The following SLC2A9 variants were observed in gnomAD, a reference collection of about 807,000 sequenced individuals.
SLC2A9 encodes the protein solute carrier family 2, facilitated glucose transporter member 9.
Under a neutral mutation model 50.6 loss-of-function variants are expected in SLC2A9, and 39 were observed. That is an observed-to-expected ratio of 0.77 (90% CI 0.60 to 1.01). SLC2A9 has a LOEUF of 1.01. SLC2A9 is among the 50% of genes least tolerant of loss of function. SLC2A9 has a pLI of 0.00. For synonymous variants in SLC2A9, 324 were observed against 276.9 expected, an observed-to-expected ratio of 1.17 and a Z score of -1.69; for missense variants, 686 against 677.6, an observed-to-expected ratio of 1.01 and a Z score of -0.14.
chr4:9,970,756 GA>G (rs1560410080), intron 5 of SLC2A9, among the ~76,000 whole-genome samples: 1 of 151,954 alleles, frequency 6.6e-6, no homozygotes, highest in South Asian at 2.1e-4. Flanking sequence ...CCTGTTTTAA[GA>G]AAAAAACAAG....
intron 5 of SLC2A9, among the ~76,000 whole-genome samples, chr4:9,963,796 C>T (rs977044225): frequency 6.6e-6 from 1 of 152,192 alleles, no homozygotes; most frequent in African/African-American, 2.4e-5. Context: ...GATCCTCTAC[C>T]TTTTGTGTGT....
At chr4:9,880,451 G>A in intron 10 of SLC2A9, 1 of 985,258 alleles carries the variant, frequency 1.0e-6, no homozygotes, top group Non-Finnish European at 1.2e-6. Flanking sequence ...TAAAGCCCTG[G>A]AAATGCAGCA....
chr4:9,893,894 G>A (rs141346944), intron 8 of SLC2A9, among the ~76,000 whole-genome samples: 153 of 152,314 alleles, frequency 1.0e-3, no homozygotes, highest in African/African-American at 2.9e-3. Context: ...TAATCTCAGC[G>A]CAACACATGT....
At chr4:9,836,065 G>T (rs1286025420) in intron 10 of SLC2A9, among the ~76,000 whole-genome samples, 1 of 106,098 alleles carries the variant, frequency 9.4e-6, no homozygotes, top group Non-Finnish European at 1.7e-5. Flanking sequence ...ACCAGCCTGG[G>T]CAACAAGAGT....
intron 10 of SLC2A9, among the ~76,000 whole-genome samples, chr4:9,875,166 A>T (rs368471234): frequency 0.058 from 5,018 of 86,614 alleles, no homozygotes; most frequent in African/African-American, 0.091. Flanking sequence ...CTGTGTCTTT[A>T]GAAATGGCCA....
intron 3 of SLC2A9, among the ~76,000 whole-genome samples, chr4:9,993,133 T>C (rs745891317): frequency 9.9e-5 from 15 of 152,156 alleles, no homozygotes; most frequent in Admixed American, 5.2e-4. Context: ...TGCTCAAAAA[T>C]GTTTGTTTGG....
At chr4:9,874,049 G>A (rs765783382) in intron 10 of SLC2A9, among the ~76,000 whole-genome samples, 2 of 152,102 alleles carry the variant, frequency 1.3e-5, no homozygotes, top group African/African-American at 4.8e-5. Flanking sequence ...TGAGGCCCAC[G>A]ATGATCTGGC....
chr4:9,960,679 CT>C (rs1752122060), intron 5 of SLC2A9, among the ~76,000 whole-genome samples: 1 of 152,168 alleles, frequency 6.6e-6, no homozygotes, highest in South Asian at 2.1e-4. Flanking sequence ...AATGCTATTT[CT>C]TTTTTGTTGT....
At chr4:10,037,221 A>G (rs1764134324) in intron 1 of SLC2A9, among the ~76,000 whole-genome samples, 1 of 152,222 alleles carries the variant, frequency 6.6e-6, no homozygotes, top group Admixed American at 6.5e-5. Flanking sequence ...GAGCATTGTC[A>G]TCATCTCAAA....
At chr4:10,028,038 C>T (rs1011086368) in intron 1 of SLC2A9, among the ~76,000 whole-genome samples, 1 of 152,184 alleles carries the variant, frequency 6.6e-6, no homozygotes, top group South Asian at 2.1e-4. Context: ...GATTTGCTCA[C>T]GAGCCTCCCA....
At chr4:9,880,179 C>T (rs1388124942) in intron 10 of SLC2A9, 2 of 985,324 alleles carry the variant, frequency 2.0e-6, no homozygotes, top group Non-Finnish European at 2.4e-6. Flanking sequence ...GTCTAAGTGG[C>T]AGCTTTTCTT....
intron 10 of SLC2A9, among the ~76,000 whole-genome samples, chr4:9,882,552 C>CA (rs1230229016): frequency 1.3e-5 from 2 of 151,690 alleles, no homozygotes; most frequent in African/African-American, 4.8e-5. Context: ...ACTAAAAATA[C>CA]AAAAAAATTA....
At chr4:9,816,726 T>A (rs1047272152) in intron 3 of SLC2A9, among the ~76,000 whole-genome samples, 2 of 152,150 alleles carry the variant, frequency 1.3e-5, no homozygotes, top group African/African-American at 4.8e-5. Flanking sequence ...TTGATTATAC[T>A]TCAATGTAGC....
At chr4:9,793,031 C>T (rs1282289436) in intron 3 of SLC2A9, among the ~76,000 whole-genome samples, 12 of 152,196 alleles carry the variant, frequency 7.9e-5, no homozygotes, top group South Asian at 2.1e-4. Flanking sequence ...TGCGCTACCA[C>T]GCCCAGCTAA....
intron 8 of SLC2A9, among the ~76,000 whole-genome samples, chr4:9,895,479 C>A: frequency 6.6e-6 from 1 of 152,208 alleles, no homozygotes; most frequent in Admixed American, 6.5e-5. Flanking sequence ...AGACGAACAG[C>A]AGACTGAAGG....
chr4:9,959,426 A>T (rs1337661467), intron 5 of SLC2A9, among the ~76,000 whole-genome samples: 1 of 151,500 alleles, frequency 6.6e-6, no homozygotes, highest in East Asian at 1.9e-4. Context: ...CTGAGGCCTC[A>T]ATCATCAGAT....
rs533975637 is a variant in SLC2A9, at chr4:9,934,795, A to T, written c.814+7118T>A. On this transcript the variant is annotated intron_variant, in intron 6 of 11. Coordinates refer to ENST00000264784, the MANE Select transcript of SLC2A9 (RefSeq NM_020041.3). ...CTGCATGCATTAGCTATTTGTCCTA[A>T]TGCTCTCCCTCCCCTCAGCCCCTGC... Among the ~76,000 whole-genome samples, 31 of 152,098 alleles carry T rather than the reference A, an allele frequency of 2.0e-4. No individual in the cohort carries two copies. In the South Asian group the frequency reaches 6.2e-3, roughly 31 times the overall value.
chr4:9,815,826 A>T (rs2109014938), intron 3 of SLC2A9, among the ~76,000 whole-genome samples: 1 of 152,340 alleles, frequency 6.6e-6, no homozygotes, highest in Non-Finnish European at 1.5e-5. Flanking sequence ...AGTCTGGGTT[A>T]GGACAGTGTT....
chr4:9,799,692 A>ACCCACCC (rs59100769), intron 3 of SLC2A9, among the ~76,000 whole-genome samples: 1 of 69,810 alleles, frequency 1.4e-5, no homozygotes, highest in African/African-American at 5.7e-5. Context: ...TTCCAATTGT[A>ACCCACCC]CCCCCCCCCC....
Sources: allele counts gnomAD v4.1 joint callset (sites outside exome capture counted in the v4.1 genomes callset), GRCh38; gene constraint gnomAD v4.1.1; transcripts MANE v1.5; gene names NCBI Gene and HGNC (gene_info 2026-07-23, HGNC 2026-07-21).